Variants in PRR16 observed in about 807,000 individuals in gnomAD.
PRR16 encodes protein Largen.
PRR16 carries 6 observed loss-of-function variants against 18.2 expected under a neutral mutation model. The ratio of observed to expected loss-of-function variants is 0.33; its 90% CI spans 0.18 to 0.65. The LOEUF is 0.65. PRR16 is among the 30% of genes least tolerant of loss of function. The pLI, the probability that PRR16 is intolerant of heterozygous loss-of-function variation, is 0.74. For missense variants in PRR16, 412 were observed against 376.6 expected (o/e 1.09, Z -0.78); for synonymous variants, 151 against 147.8 (o/e 1.02, Z -0.16).
chr5:120,588,125 A>G (rs1378529392), intron 1 of PRR16, among the ~76,000 whole-genome samples: 1 of 152,240 alleles, frequency 6.6e-6, no homozygotes, highest in Non-Finnish European at 1.5e-5. Flanking sequence ...CAATTTTATG[A>G]TAAAAATTTA....
chr5:120,636,459 C>G (rs540880991), intron 1 of PRR16, among the ~76,000 whole-genome samples: 1 of 152,130 alleles, frequency 6.6e-6, no homozygotes, highest in African/African-American at 2.4e-5. Context: ...ATAGAGAACC[C>G]AGAAATAAAG....
intron 1 of PRR16, among the ~76,000 whole-genome samples, chr5:120,503,423 A>T (rs1750531336): frequency 6.6e-6 from 1 of 152,226 alleles, no homozygotes; most frequent in African/African-American, 2.4e-5. Context: ...GAATGCCCTA[A>T]TAGAAATAAT....
intron 1 of PRR16, among the ~76,000 whole-genome samples, chr5:120,579,023 A>G (rs1469373749): frequency 1.3e-5 from 2 of 151,856 alleles, no homozygotes; most frequent in Non-Finnish European, 2.9e-5. Context: ...TTTTTTTCAT[A>G]TATTTGTTGG....
intron 1 of PRR16, among the ~76,000 whole-genome samples, chr5:120,604,511 T>A (rs1754089395): frequency 6.6e-6 from 1 of 152,110 alleles, no homozygotes; most frequent in Non-Finnish European, 1.5e-5. Context: ...ACTTGCCACT[T>A]GATGCCTTTT....
chr5:120,651,045 T>C (rs1310045844), intron 1 of PRR16, among the ~76,000 whole-genome samples: 5 of 152,196 alleles, frequency 3.3e-5, no homozygotes, highest in Non-Finnish European at 7.3e-5. Flanking sequence ...TGGTATCTCA[T>C]TGTGGTTTTC....
the PRR16 span, among the ~76,000 whole-genome samples, chr5:120,754,214 A>C: frequency 1.7e-5 from 1 of 60,212 alleles, no homozygotes; most frequent in African/African-American, 6.0e-5. Flanking sequence ...TAAATTATAT[A>C]TTATAATATA....
the PRR16 span, among the ~76,000 whole-genome samples, chr5:120,721,048 C>G: frequency 1.3e-5 from 2 of 151,982 alleles, no homozygotes; most frequent in Non-Finnish European, 2.9e-5. Context: ...CATATGGAAA[C>G]TTTTAAACAT....
intron 1 of PRR16, among the ~76,000 whole-genome samples, chr5:120,639,204 A>G (rs1755342762): frequency 6.6e-6 from 1 of 151,996 alleles, no homozygotes; most frequent in Non-Finnish European, 1.5e-5. Flanking sequence ...TTTTGGTTTT[A>G]ATTTATTTTT....
the PRR16 span, among the ~76,000 whole-genome samples, chr5:120,728,082 AT>A: frequency 6.6e-6 from 1 of 152,006 alleles, no homozygotes; most frequent in African/African-American, 2.4e-5. Context: ...AATTACATAT[AT>A]TGTTTGATTA....
At chr5:120,792,839 A>G in the PRR16 span, among the ~76,000 whole-genome samples, 1 of 152,302 alleles carries the variant, frequency 6.6e-6, no homozygotes, top group Admixed American at 6.5e-5. Context: ...AAAAATTACA[A>G]TATGCTAAAT....
intron 1 of PRR16, among the ~76,000 whole-genome samples, chr5:120,580,310 G>A (rs188251903): frequency 6.6e-6 from 1 of 152,040 alleles, no homozygotes; most frequent in Non-Finnish European, 1.5e-5. Context: ...TCTTGTATCA[G>A]TTTTCAAAGG....
the PRR16 span, among the ~76,000 whole-genome samples, chr5:120,737,319 T>G: frequency 8.7e-6 from 1 of 114,778 alleles, no homozygotes; most frequent in Non-Finnish European, 1.8e-5. Context: ...TTTTTTTTTT[T>G]TTTTTTTTTT....
chr5:120,778,131 T>TAAAG, the PRR16 span, among the ~76,000 whole-genome samples: 1 of 152,102 alleles, frequency 6.6e-6, no homozygotes, highest in Non-Finnish European at 1.5e-5. Context: ...TTAATGGCAA[T>TAAAG]AAAGACTGCT....
chr5:120,669,351 A>G (rs1225840883), intron 1 of PRR16, among the ~76,000 whole-genome samples: 1 of 152,028 alleles, frequency 6.6e-6, no homozygotes, highest in Non-Finnish European at 1.5e-5. Flanking sequence ...TGGTGTGTTC[A>G]TACACCTCCC....
Position 120,628,120 on chromosome 5 carries a change from C to T in PRR16, c.160-57834C>T, listed in dbSNP as rs185339598. ...TCTTACATGTGAAGATGGATTGTTC[C>T]CTGAAAGGTTGGACATCAAGCCTGC... On this transcript the variant is annotated intron_variant, in intron 1 of 1. Coordinates refer to ENST00000407149, the MANE Select transcript of PRR16 (RefSeq NM_001300783.2). 5.9e-5 allele frequency among the ~76,000 whole-genome samples: 9 copies of T among 151,988 alleles called. No individual in the cohort carries two copies. In the East Asian group the frequency reaches 1.7e-3, roughly 29 times the overall value.
the PRR16 span, among the ~76,000 whole-genome samples, chr5:120,718,555 A>ATCC: frequency 6.6e-6 from 1 of 152,090 alleles, no homozygotes; most frequent in Non-Finnish European, 1.5e-5. Context: ...TTCAGAAGCC[A>ATCC]TCCAGCAGGC....
the PRR16 span, among the ~76,000 whole-genome samples, chr5:120,769,807 C>G: frequency 1.3e-5 from 2 of 151,866 alleles, no homozygotes; most frequent in East Asian, 3.9e-4. Flanking sequence ...AATGACTGTA[C>G]CAATTTACAT....
the PRR16 span, among the ~76,000 whole-genome samples, chr5:120,752,899 C>T: frequency 3.3e-5 from 5 of 151,770 alleles, no homozygotes; most frequent in African/African-American, 1.2e-4. Flanking sequence ...GGGCAAAATG[C>T]TGGTGAAATA....
At chr5:120,502,937 A>G (rs1166351478) in intron 1 of PRR16, among the ~76,000 whole-genome samples, 1 of 152,190 alleles carries the variant, frequency 6.6e-6, no homozygotes, top group East Asian at 1.9e-4. Flanking sequence ...ACCTTCTCAT[A>G]TCATATAGCT....
Sources: allele counts gnomAD v4.1 joint callset (sites outside exome capture counted in the v4.1 genomes callset), GRCh38; gene constraint gnomAD v4.1.1; transcripts MANE v1.5; gene names NCBI Gene and HGNC (gene_info 2026-07-23, HGNC 2026-07-21).